NKAIN3: variants seen among roughly 807,000 people sequenced by gnomAD.
NKAIN3 encodes sodium/potassium transporting ATPase interacting 3.
In NKAIN3, 25 loss-of-function variants were observed where a neutral mutation model predicts 30.2. That is an observed-to-expected ratio of 0.83 (90% confidence interval 0.60 to 1.16). NKAIN3 has a LOEUF of 1.16. Among genes scored for constraint, NKAIN3 ranks in the 50% most tolerant of loss-of-function variants. The pLI is 0.00. For missense variants in NKAIN3, 225 were observed against 254.1 expected, an observed-to-expected ratio of 0.89 and a Z score of 0.78; for synonymous variants, 91 against 89.6, an observed-to-expected ratio of 1.02 and a Z score of -0.09.
chr8:62,822,587 ACT>A (rs1476546835), intron 4 of NKAIN3, among the ~76,000 whole-genome samples: 1 of 152,036 alleles, frequency 6.6e-6, no homozygotes, highest in African/African-American at 2.4e-5. Context: ...ATAATTTTCA[ACT>A]CTTTCTCATT....
chr8:62,903,948 TCC>T (rs1338396334), intron 4 of NKAIN3, among the ~76,000 whole-genome samples: 1 of 152,128 alleles, frequency 6.6e-6, no homozygotes, highest in East Asian at 1.9e-4. Flanking sequence ...CTCTACCTGG[TCC>T]CACCTTTGAC....
intron 4 of NKAIN3, among the ~76,000 whole-genome samples, chr8:62,787,551 T>A (rs923263753): frequency 6.6e-6 from 1 of 152,164 alleles, no homozygotes; most frequent in Non-Finnish European, 1.5e-5. Flanking sequence ...TAATATACTT[T>A]AACTTTTAGG....
chr8:62,515,843 C>T (rs1563435408), intron 1 of NKAIN3, among the ~76,000 whole-genome samples: 2 of 152,054 alleles, frequency 1.3e-5, no homozygotes, highest in Non-Finnish European at 2.9e-5. Flanking sequence ...TGTTCATATA[C>T]TTGTTAATCA....
intron 1 of NKAIN3, among the ~76,000 whole-genome samples, chr8:62,494,487 GT>G (rs1807172765): frequency 6.6e-6 from 1 of 152,132 alleles, no homozygotes; most frequent in Admixed American, 6.5e-5. Context: ...TTCTTTATTT[GT>G]TGTGTCTCTG....
chr8:62,855,645 G>A (rs1287739913), intron 4 of NKAIN3: 2 of 1,604,206 alleles, frequency 1.2e-6, no homozygotes, highest in African/African-American at 1.3e-5. Context: ...AAGGCCTCCA[G>A]GTTCCTGAAG....
intron 3 of NKAIN3, among the ~76,000 whole-genome samples, chr8:62,703,787 AG>A (rs750711557): frequency 1.3e-5 from 2 of 152,208 alleles, no homozygotes; most frequent in Non-Finnish European, 2.9e-5. Flanking sequence ...TTATTTGTCT[AG>A]GTGTAAAATG....
chr8:62,309,588 C>A (rs544151184), intron 1 of NKAIN3, among the ~76,000 whole-genome samples: 2 of 150,158 alleles, frequency 1.3e-5, no homozygotes, highest in Non-Finnish European at 2.9e-5. Context: ...CAAATTATGG[C>A]TCTGTACTCT....
intron 4 of NKAIN3, 100 bp downstream of exon 4, chr8:62,747,229 A>T: frequency 1.4e-6 from 1 of 698,682 alleles, no homozygotes; most frequent in South Asian, 1.9e-5. Flanking sequence ...ATAAGCACAC[A>T]GAGAACATCC....
At chr8:62,446,649 ACAT>A (rs1214298056) in intron 1 of NKAIN3, among the ~76,000 whole-genome samples, 2 of 152,094 alleles carry the variant, frequency 1.3e-5, no homozygotes, top group Non-Finnish European at 2.9e-5. Context: ...ACCTTGGTAA[ACAT>A]CATTCTACTT....
intron 3 of NKAIN3, among the ~76,000 whole-genome samples, chr8:62,705,117 A>G (rs1182854197): frequency 6.6e-6 from 1 of 151,218 alleles, no homozygotes; most frequent in Non-Finnish European, 1.5e-5. Flanking sequence ...ACAACTCAGA[A>G]CCATAAAACA....
chr8:62,481,750 A>C (rs1025281436), intron 1 of NKAIN3, among the ~76,000 whole-genome samples: 2 of 152,216 alleles, frequency 1.3e-5, no homozygotes, highest in Non-Finnish European at 2.9e-5. Context: ...GGGGTTCACT[A>C]ATCAAAGAAA....
chr8:62,476,072 T>C (rs1806509297), intron 1 of NKAIN3, among the ~76,000 whole-genome samples: 1 of 152,216 alleles, frequency 6.6e-6, no homozygotes, highest in East Asian at 1.9e-4. Context: ...GTAATTACTA[T>C]CATCATTCTA....
rs559349402 is a variant in NKAIN3 at position 62,955,534 on chromosome 8, T to C, written c.603+1562T>C. Among the ~76,000 whole-genome samples, 7 of 151,282 alleles carry C rather than the reference T, an allele frequency of 4.6e-5. No homozygotes were observed. In the East Asian group the frequency reaches 5.8e-4, roughly 13 times the overall value. On this transcript the variant is annotated intron_variant, in intron 6 of 6. Transcript: ENST00000623646. ...TGAAGGGTTTCTTTCATCTCCACTG[T>C]GAAAAAAAAAACTCAGCAGAGAAAT... is the stretch of plus-strand genomic sequence containing the variant.
chr8:62,954,984 T>C (rs1287831039), intron 6 of NKAIN3, among the ~76,000 whole-genome samples: 1 of 152,160 alleles, frequency 6.6e-6, no homozygotes, highest in East Asian at 1.9e-4. Flanking sequence ...GAAGAAATTA[T>C]GTAAAATAGT....
intron 1 of NKAIN3, among the ~76,000 whole-genome samples, chr8:62,443,514 GC>G (rs1173069561): frequency 6.6e-6 from 1 of 152,070 alleles, no homozygotes; most frequent in African/African-American, 2.4e-5. Flanking sequence ...CTCCCGAGTA[GC>G]TGGGACTAGA....
At chr8:62,989,317 C>T (rs1487999554), downstream of NKAIN3, among the ~76,000 whole-genome samples, 1 of 152,072 alleles carries the variant, frequency 6.6e-6, no homozygotes, top group Non-Finnish European at 1.5e-5. Flanking sequence ...AAAGACATAC[C>T]TGAGAGTGGG....
chr8:62,712,871 G>A (rs113108295), intron 3 of NKAIN3, among the ~76,000 whole-genome samples: 1,982 of 152,292 alleles, frequency 0.013, 28 homozygotes, highest in Non-Finnish European at 0.021. Context: ...GGAATGGCCT[G>A]CTAGGGAACC....
At chr8:62,767,257 G>T (rs950923313) in intron 4 of NKAIN3, among the ~76,000 whole-genome samples, 7 of 152,086 alleles carry the variant, frequency 4.6e-5, no homozygotes, top group African/African-American at 7.2e-5. Context: ...CTAATAGTTG[G>T]CTTAGGAATA....
chr8:62,649,198 G>C (rs936368325), intron 3 of NKAIN3, among the ~76,000 whole-genome samples: 2 of 152,204 alleles, frequency 1.3e-5, no homozygotes, highest in African/African-American at 4.8e-5. Context: ...AATAAAAACT[G>C]TAATGTCTAT....
Sources: gnomAD v4.1 joint callset for allele counts (sites outside exome capture counted in the v4.1 genomes callset) on GRCh38, gnomAD v4.1.1 for gene constraint, MANE v1.5 for transcripts, NCBI Gene and HGNC (gene_info 2026-07-23, HGNC 2026-07-21) for gene names.